Variants in SANBR observed in about 807,000 individuals in gnomAD.
The protein encoded by SANBR is SANT and BTB domain regulator of CSR, also known as SANT and BTB domain regulator of class switch recombination.
In SANBR, 77 loss-of-function variants were observed where a neutral mutation model predicts 101.8. That is an observed-to-expected ratio of 0.76 (90% CI 0.63 to 0.91). The LOEUF (loss-of-function observed/expected upper bound fraction) is 0.91, where lower values mean the gene tolerates loss of function less well. Among genes scored for constraint, SANBR ranks in the 40% least tolerant of loss-of-function variants. SANBR has a pLI of 0.00. For synonymous variants in SANBR, 279 were observed against 274.7 expected, an observed-to-expected ratio of 1.02 and a Z score of -0.15; for missense variants, 875 against 853.0, an observed-to-expected ratio of 1.03 and a Z score of -0.32.
intron 20 of SANBR, among the ~76,000 whole-genome samples, chr2:61,130,929 CAAAAAAAAAAAAAAAA>C (rs59171411): frequency 7.6e-5 from 1 of 13,220 alleles, no homozygotes; most frequent in Non-Finnish European, 1.4e-4. Flanking sequence ...GACTCTGTCT[CAAAAAAAAAAAAAAAA>C]AAAAAAAAAA....
At chr2:61,116,172 G>A in intron 17 of SANBR, 102 bp downstream of exon 17, 1 of 773,762 alleles carries the variant, frequency 1.3e-6, no homozygotes, top group African/African-American at 1.7e-5. Flanking sequence ...TGGAATGCTA[G>A]CAATGTAAAA....
chr2:61,113,186 C>A (rs910537558), intron 16 of SANBR, among the ~76,000 whole-genome samples: 1 of 152,158 alleles, frequency 6.6e-6, no homozygotes, highest in African/African-American at 2.4e-5. Flanking sequence ...ATTCTTATGT[C>A]TTTCTTTACA....
chr2:61,134,009 GAAATATAACCCAC>G (rs1684767820), intron 20 of SANBR: 1 of 1,396,296 alleles, frequency 7.2e-7, no homozygotes, highest in Admixed American at 2.1e-5. Context: ...TTGGGTAATA[GAAATATAACCCAC>G]AATCTCACCA....
At chr2:61,080,075 T>A (rs1054003384) in intron 6 of SANBR, among the ~76,000 whole-genome samples, 1 of 151,032 alleles carries the variant, frequency 6.6e-6, no homozygotes, top group African/African-American at 2.4e-5. Flanking sequence ...CAGGTGCCTG[T>A]AGTCCCAGCT....
chr2:61,104,406 C>T (rs557349912), intron 13 of SANBR, among the ~76,000 whole-genome samples: 13 of 151,078 alleles, frequency 8.6e-5, no homozygotes, highest in South Asian at 8.4e-4. Context: ...GGCGTGAACC[C>T]GGGAGGTGGA....
intron 12 of SANBR, among the ~76,000 whole-genome samples, chr2:61,100,588 G>C (rs1330829272): frequency 1.3e-5 from 2 of 152,112 alleles, no homozygotes; most frequent in Non-Finnish European, 2.9e-5. Flanking sequence ...AGAGTAGAAT[G>C]GTTGTAGATA....
At position 61,123,565 on chromosome 2, in the gene SANBR, A is replaced by AG. The variant is rs1250269730; in HGVS notation, c.*1404dup. 4.1e-6 allele frequency: 4 copies of AG among 964,422 alleles called. No individual in the cohort carries two copies. The East Asian group carries it at 4.5e-4, about 109-fold the overall frequency. 59.7% of individuals were successfully genotyped at this position (964,422 alleles called of 1,614,324 possible). A position where few individuals can be genotyped will look rare whatever the true frequency, so the allele number is the denominator to read the frequency against. On this transcript the variant is annotated 3_prime_UTR_variant, in exon 22 of 22. Coordinates refer to ENST00000402291, the MANE Select transcript of SANBR (RefSeq NM_001129993.3). ...TGTCTTGTAGTACATATTATATGTAAGTACTCTGTTAAATACCAGAGTTTT... is the reference window on the plus strand; with the variant it reads ...TGTCTTGTAGTACATATTATATGTAAGGTACTCTGTTAAATACCAGAGTTTT...
At chr2:61,088,324 T>C (rs773139547) in intron 9 of SANBR, 34 bp from the exon 10 acceptor site, 6 of 1,572,526 alleles carry the variant, frequency 3.8e-6, no homozygotes, top group Non-Finnish European at 5.2e-6. Flanking sequence ...ACATTCTTCT[T>C]CCTGGATGTT....
At chr2:61,135,157 A>C (rs1237561355) in intron 21 of SANBR, among the ~76,000 whole-genome samples, 5 of 152,192 alleles carry the variant, frequency 3.3e-5, no homozygotes, top group Admixed American at 3.3e-4. Flanking sequence ...TTTGAATGGC[A>C]GATATAACTG....
chr2:61,103,814 A>G (rs564766372), intron 12 of SANBR, 39 bp from the exon 13 acceptor site: 2 of 1,599,124 alleles, frequency 1.3e-6, no homozygotes, highest in Admixed American at 1.7e-5. Context: ...AGTGTTCTAT[A>G]ACAAACTAAC....
intron 10 of SANBR, chr2:61,089,170 A>G: frequency 5.1e-6 from 5 of 985,240 alleles, no homozygotes; most frequent in Middle Eastern, 5.2e-4. Context: ...TGTCTTTAGC[A>G]TTGGATTTTC....
Position 61,070,357 on chromosome 2 carries a change from C to T in SANBR, c.7C>T (p.Arg3Cys), listed in dbSNP as rs770031661. 1.3e-5 allele frequency: 21 copies of T among 1,576,318 alleles called. No homozygotes were observed. The highest frequency in any genetic ancestry group is 3.6e-5 in the South Asian group (3 of 83,698). ...CTATCCCTAGTTCCAAAAGATGAGT[C>T]GTGGATATTCAGAAAACAACAATTT... The part of the protein sequence containing the change: MS[R>C]GYSENNNFLN... Residue 3 changes from arginine to cysteine, a missense_variant, in exon 3 of 22, where the codon CGT becomes TGT. Transcript: ENST00000402291.
rs536701313 is a variant in SANBR at position 61,101,589 on chromosome 2, C to T, written c.1366-2264C>T. Among the ~76,000 whole-genome samples the T allele has an allele frequency of 1.7e-3, 255 of 151,710 alleles. 1 individual carries two copies. Among genetic ancestry groups the T allele is most frequent in the African/African-American group, 6.0e-3 (248 of 41,350 alleles). On this transcript the variant is annotated intron_variant, in intron 12 of 21. Transcript: ENST00000402291. ...TCTACTAAAAATACAAAAAATTAGC[C>T]GGGCTTGGTGGCGGGCGCCTATAGT...
rs147620359 is a variant in SANBR at position 61,081,486 on chromosome 2, G to A, written c.705G>A (p.Ser235=). ...ATGTCATTTCAATTCTTATTTCTTCGGAGTTTTTAAAAATGGATTCACTAG... is the reference window on the plus strand; with the variant it reads ...ATGTCATTTCAATTCTTATTTCTTCAGAGTTTTTAAAAATGGATTCACTAG... ...PGNVISILIS[S]EFLKMDSLVE... The change falls in exon 7 of 22, where the codon TCG becomes TCA. Residue 235 remains serine (S), a synonymous_variant. Coordinates refer to ENST00000402291, the MANE Select transcript of SANBR (RefSeq NM_001129993.3). The A allele has an allele frequency of 3.1e-5, 48 of 1,557,122 alleles. No homozygotes were observed. Among genetic ancestry groups the A allele is most frequent in the Admixed American group, 2.6e-4 (13 of 50,248 alleles).
In SANBR at chr2:61,117,510, A is replaced by C. The variant is rs1275721405; in HGVS notation, c.1909A>C (p.Arg637=). Reference sequence around the variant, plus strand: ...TAAGTGGGATGCCACAAGATCCTTGAGATTCAACCAGGATGCACAAAGAGA... The same window carrying C: ...TAAGTGGGATGCCACAAGATCCTTGCGATTCAACCAGGATGCACAAAGAGA... ...KNKWDATRSL[R]FNQDAQREDD... Residue 637 remains arginine (R), a synonymous_variant, in exon 19 of 22, where the codon AGA becomes CGA. Coordinates refer to ENST00000402291, the MANE Select transcript of SANBR (RefSeq NM_001129993.3). The C allele has an allele frequency of 3.1e-6, 5 of 1,613,806 alleles. No individual in the cohort carries two copies. In the East Asian group the frequency reaches 8.9e-5, roughly 29 times the overall value.
At chr2:61,112,166 G>A (rs1310920548) in intron 16 of SANBR, among the ~76,000 whole-genome samples, 1 of 152,160 alleles carries the variant, frequency 6.6e-6, no homozygotes, top group African/African-American at 2.4e-5. Context: ...TACAAGCAGT[G>A]GAGCAGTCCC....
chr2:61,085,258 G>A (rs1191674191), intron 8 of SANBR, among the ~76,000 whole-genome samples: 1 of 152,108 alleles, frequency 6.6e-6, no homozygotes, highest in African/African-American at 2.4e-5. Context: ...TAAAAGTGGT[G>A]AAGACATTGT....
intron 10 of SANBR, among the ~76,000 whole-genome samples, chr2:61,091,055 G>A (rs1237999160): frequency 6.6e-6 from 1 of 151,762 alleles, no homozygotes; most frequent in Non-Finnish European, 1.5e-5. Context: ...AGCCTCTCTG[G>A]CCTAAAATTA....
chr2:61,070,543 A>G (rs1272711612), intron 3 of SANBR, 43 bp downstream of exon 3: 1 of 1,561,012 alleles, frequency 6.4e-7, no homozygotes, highest in African/African-American at 1.4e-5. Context: ...AAATGTTCAG[A>G]AAAGGTCATC....
Sources: gnomAD v4.1 joint callset for allele counts (sites outside exome capture counted in the v4.1 genomes callset) on GRCh38, gnomAD v4.1.1 for gene constraint, MANE v1.5 for transcripts, NCBI Gene and HGNC (gene_info 2026-07-23, HGNC 2026-07-21) for gene names.